The following F11R variants were observed in gnomAD, a reference collection of about 807,000 sequenced individuals.
F11R encodes the protein F11 receptor, also known as junctional adhesion molecule A.
F11R carries 27 observed loss-of-function variants against 39.3 expected under a neutral mutation model. The ratio of observed to expected loss-of-function variants is 0.69; its 90% confidence interval spans 0.51 to 0.95. The LOEUF is 0.95. Ranked by LOEUF, F11R falls within the 40% of genes least tolerant of loss-of-function variation. F11R has a pLI of 0.00. For synonymous variants in F11R, 131 were observed against 144.9 expected, an observed-to-expected ratio of 0.90 and a Z score of 0.69; for missense variants, 335 against 372.7, an observed-to-expected ratio of 0.90 and a Z score of 0.83.
At chr1:161,014,040 G>T (rs1344309820) in intron 1 of F11R, among the ~76,000 whole-genome samples, 2 of 152,190 alleles carry the variant, frequency 1.3e-5, no homozygotes, top group African/African-American at 4.8e-5. Flanking sequence ...GGTTCTCAAT[G>T]CCAGGAAAAC....
chr1:161,010,755 G>T (rs994126781), intron 1 of F11R, among the ~76,000 whole-genome samples: 1 of 151,906 alleles, frequency 6.6e-6, no homozygotes, highest in African/African-American at 2.4e-5. Context: ...GGAGGCTGAG[G>T]CGGACGGATC....
At chr1:161,017,946 C>T (rs1447628390) in intron 1 of F11R, among the ~76,000 whole-genome samples, 1 of 152,218 alleles carries the variant, frequency 6.6e-6, no homozygotes, top group Non-Finnish European at 1.5e-5. Flanking sequence ...CCACGCGGAA[C>T]TCTTCAGTGA....
intron 1 of F11R, among the ~76,000 whole-genome samples, chr1:161,010,259 C>T (rs771071382): frequency 2.0e-5 from 3 of 151,800 alleles, no homozygotes; most frequent in Non-Finnish European, 2.9e-5. Flanking sequence ...GCCTGGCCAA[C>T]GTGGTGAAAC....
intron 4 of F11R, 78 bp from the exon 5 acceptor site, chr1:161,000,426 C>A: frequency 6.7e-7 from 1 of 1,484,700 alleles, no homozygotes; most frequent in Non-Finnish European, 9.3e-7. Flanking sequence ...ACAATGGTAC[C>A]CCCAACTACT....
In F11R at chr1:161,014,431, GT is replaced by G. The variant is rs547674923; in HGVS notation, c.64+6578del. 1.8e-4 allele frequency among the ~76,000 whole-genome samples: 27 copies of G among 152,278 alleles called. No homozygotes were observed. The East Asian group carries it at 4.8e-3, about 27-fold the overall frequency. The stretch of plus-strand genomic sequence containing the variant: ...CCCTAGAAACCAATATGGGCCAGGT[GT>G]AGTGACTCATACCTGTCATTCAGCA... On this transcript the variant is annotated intron_variant, in intron 1 of 9. Transcript: ENST00000368026.
chr1:160,999,339 A>G (rs1468347464), intron 8 of F11R, 57 bp downstream of exon 8: 1 of 1,612,614 alleles, frequency 6.2e-7, no homozygotes, highest in Non-Finnish European at 8.5e-7. Context: ...TTCAGCTTCA[A>G]ACCACATGCA....
chr1:161,013,503 T>C (rs1191926920), intron 1 of F11R, among the ~76,000 whole-genome samples: 4 of 152,130 alleles, frequency 2.6e-5, no homozygotes, highest in African/African-American at 7.2e-5. Flanking sequence ...ACTCACCCTG[T>C]AGAGATTGAA....
At chr1:161,014,802 G>A (rs964171796) in intron 1 of F11R, among the ~76,000 whole-genome samples, 3 of 151,760 alleles carry the variant, frequency 2.0e-5, no homozygotes, top group African/African-American at 7.3e-5. Context: ...TAGCCGGGCA[G>A]CTCACACCTG....
intron 1 of F11R, among the ~76,000 whole-genome samples, chr1:161,005,167 A>AAAAATAATAATAAT (rs1553210353): frequency 6.9e-6 from 1 of 145,144 alleles, no homozygotes; most frequent in Non-Finnish European, 1.5e-5. Context: ...CTCAAAAATA[A>AAAAATAATAATAAT]AATAATAATA....
At chr1:161,010,852 G>A (rs1649112673) in intron 1 of F11R, among the ~76,000 whole-genome samples, 1 of 151,410 alleles carries the variant, frequency 6.6e-6, no homozygotes, top group Admixed American at 6.6e-5. Context: ...TGGGCGTGGT[G>A]GCAGGCACCT....
At chr1:161,009,496 G>A (rs555795997) in intron 1 of F11R, among the ~76,000 whole-genome samples, 63 of 151,262 alleles carry the variant, frequency 4.2e-4, no homozygotes, top group African/African-American at 1.5e-3. Flanking sequence ...AGTCATGCAC[G>A]CCCATGAACG....
chr1:161,012,900 T>C (rs530559727), intron 1 of F11R, among the ~76,000 whole-genome samples: 282 of 152,264 alleles, frequency 1.9e-3, no homozygotes, highest in Non-Finnish European at 3.2e-3. Context: ...GCTGGGATTA[T>C]AGGCGTAAGC....
chr1:160,999,771 AGGCACGG>A (rs1407928404), intron 6 of F11R, 24 bp from the exon 7 acceptor site: 2 of 1,612,502 alleles, frequency 1.2e-6, no homozygotes, highest in Non-Finnish European at 1.7e-6. Context: ...ATAAGAAGTC[AGGCACGG>A]GGATACTCAC....
chr1:161,020,830 C>T lies in F11R; in HGVS notation c.64+180G>A, dbSNP rs994811442. ...ACCAGTGTGGGGGAGGGGAGCCAGC[C>T]ACTCACCCAGCTGTGAGAGTGGTGA... On this transcript the variant is annotated intron_variant, in intron 1 of 9. Transcript: ENST00000368026. 7.2e-5 allele frequency among the ~76,000 whole-genome samples: 11 copies of T among 152,256 alleles called. No homozygotes were observed. The South Asian group carries it at 8.3e-4, about 11-fold the overall frequency.
In F11R at chr1:161,000,159, G is replaced by A. The variant is rs1648387304; in HGVS notation, c.578C>T (p.Thr193Ile). Residue 193 changes from threonine (T) to isoleucine (I), a missense_variant, in exon 5 of 10, where the codon ACA (threonine) becomes ATA (isoleucine). Physicochemically the swap from Thr to Ile is moderately conservative, Grantham distance 89. Transcript: ENST00000368026. ...CCCCATACATACCAGCTCTCCTGTT[G>A]TGGGATTCAGGACATAGGAAGAGTT... is the stretch of plus-strand genomic sequence containing the variant. ...FSNSSYVLNP[T>I]TGELVFDPLS... 1.9e-6 allele frequency: 3 copies of A among 1,614,132 alleles called. No homozygotes were observed. The highest frequency in any genetic ancestry group is 2.5e-6 in the Non-Finnish European group (3 of 1,180,032).
intron 4 of F11R, 67 bp from the exon 5 acceptor site, chr1:161,000,415 TAC>T: frequency 6.6e-7 from 1 of 1,516,612 alleles, no homozygotes; most frequent in Non-Finnish European, 9.1e-7. Context: ...AGTAACCAAC[TAC>T]AATGGTACCC....
chr1:161,001,030 G>T lies in F11R; in HGVS notation c.231C>A (p.Asn77Lys). The T allele has an allele frequency of 6.2e-7, 1 of 1,613,976 alleles. No individual in the cohort carries two copies. Among genetic ancestry groups the T allele is most frequent in the Non-Finnish European group, 8.5e-7 (1 of 1,179,852 alleles). ...GGAGAAGCAACTCACCTGTGATCTT[G>T]TTATTATAGCAAACGAGTCTGGTGG... is the stretch of plus-strand genomic sequence containing the variant. ...GDTTRLVCYN[N>K]KITASYEDRV... is the part of the protein sequence containing the mutation. Residue 77 changes from asparagine to lysine, a missense_variant, in exon 3 of 10, where the codon AAC becomes AAA. Physicochemically the swap from Asn to Lys is moderately conservative, Grantham distance 94. Transcript: ENST00000368026.
At chr1:161,013,736 G>A (rs1283614481) in intron 1 of F11R, among the ~76,000 whole-genome samples, 1 of 152,230 alleles carries the variant, frequency 6.6e-6, no homozygotes, top group African/African-American at 2.4e-5. Context: ...GTCCTCTGAG[G>A]ATGGCAGAAA....
Position 161,000,703 on chromosome 1 carries a change from T to G in F11R, c.316A>C (p.Thr106Pro). The change falls in exon 4 of 10, where the codon ACA becomes CCA. Residue 106 changes from threonine to proline, a missense_variant. Coordinates refer to ENST00000368026, the MANE Select transcript of F11R (RefSeq NM_016946.6). Reference sequence around the variant, plus strand: ...TCCTCAGAGACCATACAAGTGTATGTCCCAGTGTCTTCCCGTGTCACGGAC... The same window carrying G: ...TCCTCAGAGACCATACAAGTGTATGGCCCAGTGTCTTCCCGTGTCACGGAC... ...FKSVTREDTG[T>P]YTCMVSEEGG... 6.2e-7 allele frequency: 1 copy of G among 1,614,116 alleles called. No individual in the cohort carries two copies. The highest frequency in any genetic ancestry group is 8.5e-7 in the Non-Finnish European group (1 of 1,180,010).
Sources: allele counts gnomAD v4.1 joint callset (sites outside exome capture counted in the v4.1 genomes callset), GRCh38; gene constraint gnomAD v4.1.1; transcripts MANE v1.5; gene names NCBI Gene and HGNC (gene_info 2026-07-23, HGNC 2026-07-21).